The following TFEC variants were observed in gnomAD, a reference collection of about 807,000 sequenced individuals.
The protein encoded by TFEC is class E basic helix-loop-helix protein 34.
Under a neutral mutation model 41.6 loss-of-function variants are expected in TFEC, and 31 were observed. That is an observed-to-expected ratio of 0.74 (90% CI 0.56 to 1.01). The LOEUF (loss-of-function observed/expected upper bound fraction) is 1.01. TFEC is among the 50% of genes least tolerant of loss of function. The pLI is 0.00. For missense variants in TFEC, 402 were observed against 404.1 expected (o/e 0.99, Z 0.04); for synonymous variants, 143 against 140.6 (o/e 1.02, Z -0.12).
intron 3 of TFEC, among the ~76,000 whole-genome samples, chr7:116,107,758 T>A (rs1168753153): frequency 6.6e-6 from 1 of 152,082 alleles, no homozygotes; most frequent in African/African-American, 2.4e-5. Context: ...AGCAGACAAA[T>A]AAGAACCACT....
At chr7:116,016,842 C>G (rs1336569428) in intron 1 of TFEC, among the ~76,000 whole-genome samples, 1 of 152,032 alleles carries the variant, frequency 6.6e-6, no homozygotes, top group Non-Finnish European at 1.5e-5. Context: ...ACCTATCTCT[C>G]TATATAATCA....
intron 3 of TFEC, among the ~76,000 whole-genome samples, chr7:116,075,321 A>T (rs1440548690): frequency 6.6e-6 from 1 of 152,074 alleles, no homozygotes; most frequent in Non-Finnish European, 1.5e-5. Context: ...GTGTGTGGAG[A>T]CTCACATCAT....
chr7:116,015,585 T>C (rs1022693786), intron 1 of TFEC, among the ~76,000 whole-genome samples: 1 of 152,042 alleles, frequency 6.6e-6, no homozygotes, highest in African/African-American at 2.4e-5. Flanking sequence ...GGGGGAGTTA[T>C]TGAAAGACCT....
At chr7:116,152,082 T>TA (rs1283110183) in intron 1 of TFEC, among the ~76,000 whole-genome samples, 1 of 151,910 alleles carries the variant, frequency 6.6e-6, no homozygotes, top group Non-Finnish European at 1.5e-5. Context: ...TTTGAATTAA[T>TA]AAAAAAGTGG....
intron 3 of TFEC, among the ~76,000 whole-genome samples, chr7:116,073,172 A>C (rs1796871757): frequency 6.6e-6 from 1 of 151,730 alleles, no homozygotes; most frequent in South Asian, 2.1e-4. Flanking sequence ...AAACAAAACT[A>C]ATAAATTTCC....
At chr7:116,054,803 C>A (rs1329323031) in intron 3 of TFEC, among the ~76,000 whole-genome samples, 1 of 152,056 alleles carries the variant, frequency 6.6e-6, no homozygotes, top group Non-Finnish European at 1.5e-5. Context: ...TATCTCAACT[C>A]AAATTTGTCT....
chr7:115,988,939 G>A (rs556550304), intron 1 of TFEC, among the ~76,000 whole-genome samples: 241 of 152,178 alleles, frequency 1.6e-3, no homozygotes, highest in African/African-American at 5.7e-3. Context: ...CAAGCAAGAA[G>A]AGAGGAATTA....
At chr7:116,031,293 C>G (rs1795776002), upstream of TFEC, among the ~76,000 whole-genome samples, 1 of 151,890 alleles carries the variant, frequency 6.6e-6, no homozygotes, top group Non-Finnish European at 1.5e-5. Context: ...TTTATCTTGT[C>G]CAAGAATATT....
chr7:115,984,005 C>T (rs1793739405), intron 2 of TFEC, among the ~76,000 whole-genome samples: 1 of 152,076 alleles, frequency 6.6e-6, no homozygotes, highest in Non-Finnish European at 1.5e-5. Flanking sequence ...CTTCTAAACA[C>T]ATACCACTAT....
upstream of TFEC, among the ~76,000 whole-genome samples, chr7:116,033,393 T>C (rs1209148933): frequency 1.3e-5 from 2 of 152,126 alleles, no homozygotes; most frequent in Admixed American, 6.6e-5. Flanking sequence ...GAGAAACTAA[T>C]AGTACCTAGA....
At chr7:116,016,555 C>G (rs1562934973) in intron 1 of TFEC, among the ~76,000 whole-genome samples, 2 of 152,078 alleles carry the variant, frequency 1.3e-5, no homozygotes, top group Non-Finnish European at 2.9e-5. Flanking sequence ...ATTCACTTTC[C>G]ATGTGAATGA....
chr7:116,015,051 C>T (rs931448742), intron 1 of TFEC, among the ~76,000 whole-genome samples: 1 of 151,364 alleles, frequency 6.6e-6, no homozygotes, highest in Non-Finnish European at 1.5e-5. Flanking sequence ...AATTTTGTTA[C>T]AGCAGCAATA....
chr7:116,123,530 A>C (rs927904309), intron 1 of TFEC, among the ~76,000 whole-genome samples: 2 of 152,102 alleles, frequency 1.3e-5, no homozygotes, highest in East Asian at 3.9e-4. Context: ...CTACAAAAAA[A>C]AAATTGAATG....
At chr7:116,156,689 T>C (rs980353430) in intron 1 of TFEC, among the ~76,000 whole-genome samples, 7 of 152,186 alleles carry the variant, frequency 4.6e-5, no homozygotes, top group African/African-American at 2.4e-5. Flanking sequence ...TCTACAAATA[T>C]GCCATCTTCC....
chr7:116,156,153 C>T (rs993050146), intron 1 of TFEC, among the ~76,000 whole-genome samples: 3 of 152,096 alleles, frequency 2.0e-5, no homozygotes, highest in African/African-American at 4.8e-5. Context: ...CAGAGTGGGA[C>T]ACTTATGTCT....
intron 1 of TFEC, among the ~76,000 whole-genome samples, chr7:116,029,007 G>A (rs1241180969): frequency 2.6e-5 from 4 of 151,734 alleles, no homozygotes; most frequent in Non-Finnish European, 5.9e-5. Flanking sequence ...AATTATTTTG[G>A]GCTATCTAGA....
chr7:116,080,070 T>A lies in TFEC; in HGVS notation c.198+30638A>T, dbSNP rs181833686. Among the ~76,000 whole-genome samples the A allele has an allele frequency of 1.1e-3, 168 of 151,958 alleles. 1 individual carries two copies. In the Middle Eastern group the frequency reaches 0.017, roughly 15 times the overall value. Reference sequence around the variant, plus strand: ...ATCTTCAGCAAAGCAAACAAAAACATAAAGTGAAGAAATGACATCCTATTC... The same window carrying A: ...ATCTTCAGCAAAGCAAACAAAAACAAAAAGTGAAGAAATGACATCCTATTC... On this transcript the variant is annotated intron_variant, in intron 3 of 8. Coordinates refer to the TFEC transcript ENST00000484212.
intron 1 of TFEC, among the ~76,000 whole-genome samples, chr7:116,005,779 T>C (rs978696749): frequency 6.6e-6 from 1 of 152,198 alleles, no homozygotes; most frequent in African/African-American, 2.4e-5. Context: ...ACAGAGACCT[T>C]GGAAGCAGCC....
In TFEC at chr7:116,052,427, G is replaced by GGTTT. The variant is rs569201949; in HGVS notation, c.198+58277_198+58280dup. Among the ~76,000 whole-genome samples the GGTTT allele has an allele frequency of 3.9e-3, 600 of 152,028 alleles. 10 individuals carry two copies. Among genetic ancestry groups the GGTTT allele is most frequent in the Non-Finnish European group, 1.9e-3 (128 of 67,962 alleles). Reference sequence around the variant, plus strand: ...AAACAAAAATACATTTAAGTTGTTTGGTTTGTTTGTTTGTTTGTTTGAGAT... The same window carrying GGTTT: ...AAACAAAAATACATTTAAGTTGTTTGGTTTGTTTGTTTGTTTGTTTGTTTGAGAT... On this transcript the variant is annotated intron_variant, in intron 3 of 8. Transcript: ENST00000484212.
Sources: allele counts gnomAD v4.1 joint callset (sites outside exome capture counted in the v4.1 genomes callset), GRCh38; gene constraint gnomAD v4.1.1; transcripts MANE v1.5; gene names NCBI Gene and HGNC (gene_info 2026-07-23, HGNC 2026-07-21).